CAPZB: variants seen among roughly 807,000 people sequenced by gnomAD.
The protein encoded by CAPZB is F-actin-capping protein subunit beta.
In CAPZB, 2 loss-of-function variants were observed where a neutral mutation model predicts 38.1. The ratio of observed to expected loss-of-function variants is 0.05; its 90% confidence interval spans 0.02 to 0.17. The LOEUF (loss-of-function observed/expected upper bound fraction) is 0.17, where lower values mean the gene tolerates loss of function less well. CAPZB is among the 10% of genes least tolerant of loss of function. The pLI is 1.00. For synonymous variants in CAPZB, 107 were observed against 127.4 expected, an observed-to-expected ratio of 0.84 and a Z score of 1.08; for missense variants, 161 against 334.2, an observed-to-expected ratio of 0.48 and a Z score of 4.04.
intron 1 of CAPZB, among the ~76,000 whole-genome samples, chr1:19,434,110 G>T (rs564978022): frequency 6.7e-4 from 102 of 152,294 alleles, no homozygotes; most frequent in African/African-American, 2.4e-3. Context: ...GACCCACTGG[G>T]TAGGGAGATG....
chr1:19,459,773 A>G (rs1282774266), intron 1 of CAPZB, among the ~76,000 whole-genome samples: 1 of 152,196 alleles, frequency 6.6e-6, no homozygotes, highest in Non-Finnish European at 1.5e-5. Flanking sequence ...TGAACAATTC[A>G]GAAGTTCAAA....
chr1:19,386,429 C>T (rs1002724093), intron 2 of CAPZB, among the ~76,000 whole-genome samples: 3 of 152,206 alleles, frequency 2.0e-5, no homozygotes, highest in African/African-American at 4.8e-5. Flanking sequence ...GTCACTTCCA[C>T]GCTATATTTT....
intron 1 of CAPZB, among the ~76,000 whole-genome samples, chr1:19,429,379 A>G (rs1558253724): frequency 1.3e-5 from 2 of 152,180 alleles, no homozygotes; most frequent in African/African-American, 4.8e-5. Context: ...GTACCTTGAC[A>G]CTATATGAAG....
At chr1:19,480,919 C>G (rs2094626092) in intron 1 of CAPZB, among the ~76,000 whole-genome samples, 1 of 152,216 alleles carries the variant, frequency 6.6e-6, no homozygotes, top group African/African-American at 2.4e-5. Context: ...AGTAGCTAGA[C>G]AGGGACTAAC....
chr1:19,363,194 T>G (rs1206009853), intron 4 of CAPZB, among the ~76,000 whole-genome samples: 1 of 150,644 alleles, frequency 6.6e-6, no homozygotes, highest in African/African-American at 2.4e-5. Context: ...TGATCCTCCT[T>G]CCCCAGCCTC....
At chr1:19,365,369 C>T (rs1017348856) in intron 4 of CAPZB, among the ~76,000 whole-genome samples, 1 of 152,286 alleles carries the variant, frequency 6.6e-6, no homozygotes, top group East Asian at 1.9e-4. Flanking sequence ...CAGGAATATA[C>T]GTGAAAGCAG....
intron 2 of CAPZB, among the ~76,000 whole-genome samples, chr1:19,391,252 A>G (rs1278722253): frequency 2.0e-5 from 3 of 152,170 alleles, no homozygotes; most frequent in Non-Finnish European, 4.4e-5. Flanking sequence ...AAGAAACTTG[A>G]GATGAACCCT....
At chr1:19,443,178 G>A (rs1460818536) in intron 1 of CAPZB, among the ~76,000 whole-genome samples, 1 of 151,814 alleles carries the variant, frequency 6.6e-6, no homozygotes, top group Non-Finnish European at 1.5e-5. Flanking sequence ...CTTGAGCCCA[G>A]GACTTCCGAG....
intron 1 of CAPZB, among the ~76,000 whole-genome samples, chr1:19,451,653 A>G (rs1264272622): frequency 1.3e-5 from 2 of 152,022 alleles, no homozygotes; most frequent in Non-Finnish European, 1.5e-5. Flanking sequence ...TGGTCCCCAG[A>G]AACATGTGGC....
At chr1:19,402,305 T>A (rs1311028948) in intron 2 of CAPZB, among the ~76,000 whole-genome samples, 1 of 152,190 alleles carries the variant, frequency 6.6e-6, no homozygotes, top group Admixed American at 6.5e-5. Context: ...GGCCACTGCC[T>A]CCTAGGAAAG....
intron 1 of CAPZB, among the ~76,000 whole-genome samples, chr1:19,450,567 G>A (rs1289611337): frequency 6.6e-6 from 1 of 152,170 alleles, no homozygotes; most frequent in Non-Finnish European, 1.5e-5. Context: ...CTACTTCATA[G>A]ATGAGGGGAC....
chr1:19,454,844 G>A (rs75620194), intron 1 of CAPZB, among the ~76,000 whole-genome samples: 3,232 of 152,340 alleles, frequency 0.021, 228 homozygotes, highest in East Asian at 0.13. Flanking sequence ...TTACTGTTCC[G>A]TTCATCTAAA....
chr1:19,388,852 A>AT (rs1211965756), intron 2 of CAPZB, among the ~76,000 whole-genome samples: 2 of 152,232 alleles, frequency 1.3e-5, no homozygotes, highest in Non-Finnish European at 2.9e-5. Context: ...TCTGAAAGCC[A>AT]GTATGCCAGG....
chr1:19,426,867 CAGA>C (rs1456826717), intron 1 of CAPZB, among the ~76,000 whole-genome samples: 1 of 152,200 alleles, frequency 6.6e-6, no homozygotes, highest in Non-Finnish European at 1.5e-5. Context: ...GTAAATGACA[CAGA>C]AGGATTTGTC....
intron 1 of CAPZB, among the ~76,000 whole-genome samples, chr1:19,423,142 C>T (rs6682099): frequency 0.18 from 26,908 of 152,144 alleles, 2,855 homozygotes; most frequent in African/African-American, 0.29. Flanking sequence ...GCATTAATCC[C>T]AATTAATCTT....
intron 1 of CAPZB, among the ~76,000 whole-genome samples, chr1:19,465,405 C>T (rs1188517558): frequency 6.6e-6 from 1 of 152,184 alleles, no homozygotes; most frequent in Non-Finnish European, 1.5e-5. Flanking sequence ...TACGGACTTC[C>T]CAGCCTTCAG....
intron 3 of CAPZB, 147 bp from the exon 4 acceptor site, chr1:19,378,800 C>G: frequency 1.7e-6 from 1 of 599,252 alleles, no homozygotes; most frequent in Non-Finnish European, 3.0e-6. Flanking sequence ...TGGCAACAAA[C>G]AGGGCTTTCT....
chr1:19,485,468 C>A lies in CAPZB; in HGVS notation c.-30G>T, dbSNP rs964076375. The A allele has an allele frequency of 1.1e-5, 13 of 1,229,974 alleles. No homozygotes were observed. The African/African-American group carries it at 2.0e-4, about 19-fold the overall frequency. The allele number at this position is 1,229,974 out of a possible 1,614,324, so 76.2% of individuals were successfully genotyped here. A position where few individuals can be genotyped will look rare whatever the true frequency, so the allele number is the denominator to read the frequency against. On this transcript the variant is annotated 5_prime_UTR_variant, in exon 1 of 9. Coordinates refer to ENST00000264202, the MANE Select transcript of CAPZB (RefSeq NM_004930.5). ...GCGGCGGCGGCGGCGGTCCCGGTCC[C>A]GGCGTCAGTGGCTCTCCCCCCCGCA...
chr1:19,452,971 T>C (rs1484771201), intron 1 of CAPZB, among the ~76,000 whole-genome samples: 3 of 151,552 alleles, frequency 2.0e-5, no homozygotes, highest in African/African-American at 7.3e-5. Context: ...GCCCAACTAA[T>C]TTTTTTTATT....
Sources: allele counts gnomAD v4.1 joint callset (sites outside exome capture counted in the v4.1 genomes callset), GRCh38; gene constraint gnomAD v4.1.1; transcripts MANE v1.5; gene names NCBI Gene and HGNC (gene_info 2026-07-23, HGNC 2026-07-21).